NTRK3: variants seen among roughly 807,000 people sequenced by gnomAD.
The protein encoded by NTRK3 is NT-3 growth factor receptor.
NTRK3 carries 24 observed loss-of-function variants against 91.7 expected under a neutral mutation model. The observed-to-expected ratio is 0.26, with a 90% CI of 0.19 to 0.37. The LOEUF (loss-of-function observed/expected upper bound fraction) is 0.37, where lower values mean the gene tolerates loss of function less well. Ranked by LOEUF, NTRK3 falls within the 10% of genes least tolerant of loss-of-function variation. The pLI, the probability that NTRK3 is intolerant of heterozygous loss-of-function variation, is 1.00. For missense variants in NTRK3, 880 were observed against 1,068.9 expected, an observed-to-expected ratio of 0.82 and a Z score of 2.46; for synonymous variants, 483 against 404.0, an observed-to-expected ratio of 1.20 and a Z score of -2.34.
At chr15:88,154,876 T>C (rs780407639) in intron 5 of NTRK3, among the ~76,000 whole-genome samples, 2 of 152,212 alleles carry the variant, frequency 1.3e-5, no homozygotes, top group African/African-American at 2.4e-5. Context: ...GCAAACTGTG[T>C]CTCTCAAACT....
At chr15:88,101,579 G>A (rs140563232) in intron 13 of NTRK3, among the ~76,000 whole-genome samples, 142 of 152,262 alleles carry the variant, frequency 9.3e-4, no homozygotes, top group African/African-American at 3.2e-3. Context: ...TATGTTTATC[G>A]CGGCACTATT....
chr15:87,900,523 T>G (rs2066386252), intron 17 of NTRK3, among the ~76,000 whole-genome samples: 1 of 152,232 alleles, frequency 6.6e-6, no homozygotes, highest in African/African-American at 2.4e-5. Context: ...TGTTCATACT[T>G]GGAATAATGA....
At chr15:87,920,607 C>T (rs2067785288) in intron 17 of NTRK3, among the ~76,000 whole-genome samples, 1 of 152,174 alleles carries the variant, frequency 6.6e-6, no homozygotes, top group South Asian at 2.1e-4. Flanking sequence ...AGATGGCTGC[C>T]CCAGACTGCA....
At chr15:88,206,965 C>CT (rs935943661) in intron 3 of NTRK3, among the ~76,000 whole-genome samples, 6 of 152,214 alleles carry the variant, frequency 3.9e-5, no homozygotes, top group African/African-American at 1.4e-4. Flanking sequence ...CAGGGACCCC[C>CT]AGGCCCAGGC....
At chr15:87,907,407 A>G (rs2066836928) in intron 17 of NTRK3, among the ~76,000 whole-genome samples, 1 of 152,132 alleles carries the variant, frequency 6.6e-6, no homozygotes, top group Admixed American at 6.6e-5. Flanking sequence ...TATAAAACTG[A>G]TCCTGAGAGA....
chr15:87,881,464 A>T (rs1292637777), intron 17 of NTRK3, among the ~76,000 whole-genome samples: 1 of 151,782 alleles, frequency 6.6e-6, no homozygotes, highest in Non-Finnish European at 1.5e-5. Flanking sequence ...TTGTCACCCA[A>T]GCTGGAGTGC....
At chr15:87,960,379 T>C (rs557251002) in intron 14 of NTRK3, among the ~76,000 whole-genome samples, 3 of 152,334 alleles carry the variant, frequency 2.0e-5, no homozygotes, top group African/African-American at 7.2e-5. Flanking sequence ...TATCTCCTTT[T>C]TTTTCCATCT....
chr15:87,904,347 G>A (rs913025506), intron 17 of NTRK3, among the ~76,000 whole-genome samples: 7 of 151,452 alleles, frequency 4.6e-5, no homozygotes, highest in African/African-American at 1.5e-4. Context: ...TAGTAGAGAC[G>A]GGGTTTCACC....
intron 17 of NTRK3, among the ~76,000 whole-genome samples, chr15:87,913,089 C>G (rs1485632395): frequency 6.6e-6 from 1 of 150,618 alleles, no homozygotes; most frequent in African/African-American, 2.4e-5. Flanking sequence ...AAAGGGGAAT[C>G]AAATCTACCC....
intron 14 of NTRK3, among the ~76,000 whole-genome samples, chr15:87,979,990 T>TA (rs745969319): frequency 1.3e-5 from 2 of 152,192 alleles, no homozygotes; most frequent in Non-Finnish European, 2.9e-5. Flanking sequence ...GTGGGGGTGC[T>TA]ATACTCCCAA....
At chr15:87,909,179 C>A (rs1018715590) in intron 17 of NTRK3, among the ~76,000 whole-genome samples, 1 of 152,146 alleles carries the variant, frequency 6.6e-6, no homozygotes. Flanking sequence ...CCCTCCTCCT[C>A]CTTGCTGTCC....
At chr15:88,093,896 G>C (rs1045242651) in intron 13 of NTRK3, among the ~76,000 whole-genome samples, 10 of 152,146 alleles carry the variant, frequency 6.6e-5, no homozygotes, top group African/African-American at 1.4e-4. Flanking sequence ...ATTATTGACT[G>C]TCTCAACAGC....
chr15:87,994,952 T>G (rs553251854), intron 14 of NTRK3, among the ~76,000 whole-genome samples: 54 of 152,206 alleles, frequency 3.5e-4, no homozygotes, highest in African/African-American at 1.3e-3. Flanking sequence ...AGATGTTGGG[T>G]CAATAGATAT....
intron 14 of NTRK3, among the ~76,000 whole-genome samples, chr15:88,020,452 G>A (rs1053348354): frequency 6.6e-6 from 1 of 152,120 alleles, no homozygotes; most frequent in Non-Finnish European, 1.5e-5. Context: ...CGCTGGAGGG[G>A]ATTCTTTTTT....
intron 15 of NTRK3, 105 bp downstream of exon 15, chr15:87,940,518 A>G (rs948005308): frequency 1.9e-6 from 3 of 1,565,336 alleles, no homozygotes; most frequent in Non-Finnish European, 2.6e-6. Flanking sequence ...TGCATCTGAG[A>G]AAGCCAATTG....
chr15:88,011,446 T>A (rs549602406), intron 14 of NTRK3, among the ~76,000 whole-genome samples: 1 of 152,320 alleles, frequency 6.6e-6, no homozygotes, highest in East Asian at 1.9e-4. Flanking sequence ...ATGTCTCAAC[T>A]CAACACACTA....
intron 14 of NTRK3, among the ~76,000 whole-genome samples, chr15:87,969,255 G>T (rs1481958420): frequency 6.6e-6 from 1 of 152,170 alleles, no homozygotes; most frequent in African/African-American, 2.4e-5. Context: ...GCTTGAAGAG[G>T]CACAGGCTGG....
chr15:87,958,753 A>G (rs2071934148), intron 14 of NTRK3, among the ~76,000 whole-genome samples: 2 of 152,034 alleles, frequency 1.3e-5, no homozygotes, highest in African/African-American at 4.8e-5. Context: ...TCACCTGGGC[A>G]GGGGTCTCCC....
chr15:87,865,097 G>A (rs930242590), exon 19 of NTRK3: 2 of 213,660 alleles, frequency 9.4e-6, no homozygotes, highest in Non-Finnish European at 1.9e-5. Flanking sequence ...AGCTGAGAGA[G>A]CCTGAACTTG....
Sources: gnomAD v4.1 joint callset for allele counts (sites outside exome capture counted in the v4.1 genomes callset) on GRCh38, gnomAD v4.1.1 for gene constraint, MANE v1.5 for transcripts, NCBI Gene and HGNC (gene_info 2026-07-23, HGNC 2026-07-21) for gene names.